Variants in RAD21 observed in about 807,000 individuals in gnomAD.
RAD21 encodes double-strand-break repair protein rad21 homolog.
A neutral mutation model predicts 71.5 loss-of-function variants in RAD21; 18 were observed. The observed-to-expected ratio is 0.25, with a 90% CI of 0.17 to 0.37. RAD21 has a LOEUF of 0.37. Ranked by LOEUF, RAD21 falls within the 10% of genes least tolerant of loss-of-function variation. The pLI, the probability that RAD21 is intolerant of heterozygous loss-of-function variation, is 1.00. For synonymous variants in RAD21, 248 were observed against 254.0 expected (o/e 0.98, Z 0.22); for missense variants, 493 against 769.1 (o/e 0.64, Z 4.25).
chr8:116,866,688 C>G lies in RAD21; in HGVS notation c.42G>C (p.Leu14=), dbSNP rs755884014. The change falls in exon 2 of 14, where the codon CTG becomes CTC. Residue 14 remains leucine, a synonymous_variant. Coordinates refer to ENST00000297338, the MANE Select transcript of RAD21 (RefSeq NM_006265.3). ...AATGGGCCGCTAGCCAAATTTTGGC[C>G]AGAGGCCCTCTTTTACTGAGAACAA... ...AHFVLSKRGP[L]AKIWLAAHWD... is the part of the protein sequence containing the mutation. 1.1e-5 allele frequency: 18 copies of G among 1,613,158 alleles called. No homozygotes were observed. The highest frequency in any genetic ancestry group is 1.5e-5 in the Non-Finnish European group (18 of 1,179,610).
chr8:116,860,984 G>A (rs142971582), intron 4 of RAD21, among the ~76,000 whole-genome samples: 5 of 152,072 alleles, frequency 3.3e-5, no homozygotes, highest in Non-Finnish European at 4.4e-5. Context: ...CTGAATAACT[G>A]ACATATAAGG....
At chr8:116,856,108 A>G (rs1254911557) in intron 8 of RAD21, 58 bp downstream of exon 8, 2 of 1,555,042 alleles carry the variant, frequency 1.3e-6, no homozygotes, top group Non-Finnish European at 1.7e-6. Context: ...GACAGGCAAA[A>G]ACCAGAAATA....
intron 5 of RAD21, 95 bp from the exon 6 acceptor site, chr8:116,857,568 T>C: frequency 1.9e-6 from 2 of 1,030,876 alleles, no homozygotes; most frequent in South Asian, 3.2e-5. Flanking sequence ...TTATGTCACA[T>C]TTGCTTACTG....
In RAD21 at chr8:116,856,287, CA is replaced by C; in HGVS notation, c.815del (p.Met272ArgfsTer19). ...DDMDEDDNVS[M>X]GGPDSPDSVD... Reference sequence around the variant, plus strand: ...CTGAATCAGGACTATCAGGCCCACCCACTGTAAAAAAAAAAAAAAAAAAAAA... The same window carrying C: ...CTGAATCAGGACTATCAGGCCCACCCCTGTAAAAAAAAAAAAAAAAAAAAA... On this transcript the variant is annotated frameshift_variant and splice_region_variant, in exon 8 of 14. Coordinates refer to ENST00000297338, the MANE Select transcript of RAD21 (RefSeq NM_006265.3). LOFTEE classifies it high-confidence loss of function. 1.4e-6 allele frequency: 2 copies of C among 1,429,442 alleles called. No individual in the cohort carries two copies. The highest frequency in any genetic ancestry group is 2.8e-5 in the Admixed American group (1 of 36,174). 88.5% of individuals were successfully genotyped at this position (1,429,442 alleles called of 1,614,324 possible).
chr8:116,870,759 T>C (rs945768676), intron 1 of RAD21, among the ~76,000 whole-genome samples: 1 of 152,232 alleles, frequency 6.6e-6, no homozygotes, highest in Non-Finnish European at 1.5e-5. Context: ...TCTAGAATAC[T>C]ATCTGTGGCA....
intron 1 of RAD21, among the ~76,000 whole-genome samples, chr8:116,872,736 T>C (rs1212067164): frequency 1.3e-5 from 2 of 152,238 alleles, no homozygotes; most frequent in Admixed American, 1.3e-4. Context: ...TCTGGTGGTT[T>C]ACCTAACCTT....
At chr8:116,850,848 G>C (rs375034480) in intron 11 of RAD21, 81 bp from the exon 12 acceptor site, 2 of 986,432 alleles carry the variant, frequency 2.0e-6, no homozygotes, top group East Asian at 2.5e-5. Context: ...CACAGTGGCT[G>C]AAGTTTTCTA....
chr8:116,852,449 T>C, intron 10 of RAD21, 100 bp downstream of exon 10: 2 of 1,272,260 alleles, frequency 1.6e-6, no homozygotes, highest in African/African-American at 1.5e-5. Flanking sequence ...TTTGAGTATA[T>C]CTTTGATTCC....
chr8:116,859,752 T>C (rs1005526227), intron 4 of RAD21, among the ~76,000 whole-genome samples: 1 of 151,844 alleles, frequency 6.6e-6, no homozygotes, highest in Non-Finnish European at 1.5e-5. Context: ...CTACAATGGC[T>C]ACTATTTGTT....
chr8:116,865,432 C>T (rs970687928), intron 2 of RAD21, among the ~76,000 whole-genome samples: 15 of 109,100 alleles, frequency 1.4e-4, no homozygotes, highest in Non-Finnish European at 2.6e-4. Context: ...AGTAAGCATA[C>T]CTATAAAAAA....
At chr8:116,849,293 C>CGACCACCGA in intron 12 of RAD21, 1 of 356,320 alleles carries the variant, frequency 2.8e-6, no homozygotes, top group Non-Finnish European at 5.0e-6. Context: ...TATAAGGATG[C>CGACCACCGA]TATCTACACA....
intron 9 of RAD21, among the ~76,000 whole-genome samples, chr8:116,853,783 T>G (rs1324675263): frequency 6.6e-6 from 1 of 152,088 alleles, no homozygotes; most frequent in Non-Finnish European, 1.5e-5. Flanking sequence ...GAGTCTTATT[T>G]TGGAATACTG....
chr8:116,866,488 C>CT (rs1812697096), intron 2 of RAD21, 98 bp downstream of exon 2: 1 of 1,132,868 alleles, frequency 8.8e-7, no homozygotes, highest in African/African-American at 1.6e-5. Context: ...TTTCCTTGCA[C>CT]TCCAATGCCC....
At position 116,856,117 on chromosome 8, in the gene RAD21, T is replaced by C. The variant is rs767124170; in HGVS notation, c.937+49A>G. On this transcript the variant is annotated intron_variant, in intron 8 of 13. Transcript: ENST00000297338. ...TCAGTAGACAGGCAAAAACCAGAAA[T>C]AGGACCTTATGTTGTATGCTGTATA... The C allele has an allele frequency of 2.7e-5, 43 of 1,564,372 alleles. No homozygotes were observed. The Admixed American group carries it at 3.3e-4, about 12-fold the overall frequency.
intron 8 of RAD21, among the ~76,000 whole-genome samples, chr8:116,855,795 C>T (rs1812449880): frequency 6.6e-6 from 1 of 152,130 alleles, no homozygotes; most frequent in Admixed American, 6.5e-5. Flanking sequence ...TTGAAAAAAG[C>T]TTTCCAATGT....
intron 4 of RAD21, among the ~76,000 whole-genome samples, chr8:116,859,033 G>A (rs891350868): frequency 1.3e-5 from 2 of 149,998 alleles, no homozygotes; most frequent in Admixed American, 1.3e-4. Context: ...AGATTCTCAG[G>A]AGACCCATAA....
intron 1 of RAD21, among the ~76,000 whole-genome samples, chr8:116,871,738 C>T (rs10110234): frequency 0.22 from 33,234 of 152,172 alleles, 4,461 homozygotes; most frequent in South Asian, 0.47. Flanking sequence ...ACTTACTAAG[C>T]ACTACGTGTT....
Position 116,872,281 on chromosome 8 carries a change from T to C in RAD21, c.-33+2330A>G, listed in dbSNP as rs144147094. 2.6e-5 allele frequency among the ~76,000 whole-genome samples: 4 copies of C among 152,304 alleles called. No homozygotes were observed. In the East Asian group the frequency reaches 5.8e-4, roughly 22 times the overall value. ...GGTTCTGGAACCAATTCCCCTTTAA[T>C]ATCAAGGGACAATTGTACAGTACAA... is the stretch of plus-strand genomic sequence containing the variant. On this transcript the variant is annotated intron_variant, in intron 1 of 13. Transcript: ENST00000297338.
chr8:116,856,090 G>A, intron 8 of RAD21, 76 bp downstream of exon 8: 2 of 1,498,844 alleles, frequency 1.3e-6, no homozygotes, highest in Non-Finnish European at 1.8e-6. Context: ...AACAGTAGCA[G>A]ATCAGTAGAC....
Sources: gnomAD v4.1 joint callset for allele counts (sites outside exome capture counted in the v4.1 genomes callset) on GRCh38, gnomAD v4.1.1 for gene constraint, MANE v1.5 for transcripts, NCBI Gene and HGNC (gene_info 2026-07-23, HGNC 2026-07-21) for gene names.